The following ECE1 variants were observed in gnomAD, a reference collection of about 807,000 sequenced individuals.
The protein encoded by ECE1 is endothelin-converting enzyme 1.
A neutral mutation model predicts 98.6 loss-of-function variants in ECE1; 35 were observed. That is an observed-to-expected ratio of 0.35 (90% CI 0.27 to 0.47). The LOEUF is 0.47. ECE1 is among the 20% of genes least tolerant of loss of function. The pLI is 1.00. For synonymous variants in ECE1, 394 were observed against 407.1 expected, an observed-to-expected ratio of 0.97 and a Z score of 0.39; for missense variants, 814 against 1,025.3, an observed-to-expected ratio of 0.79 and a Z score of 2.81.
intron 1 of ECE1, among the ~76,000 whole-genome samples, chr1:21,341,494 G>A (rs1639397647): frequency 6.6e-6 from 1 of 152,222 alleles, no homozygotes; most frequent in Non-Finnish European, 1.5e-5. Context: ...CTGGGCTAAC[G>A]CCCAGAACAT....
intron 1 of ECE1, among the ~76,000 whole-genome samples, chr1:21,308,286 C>T (rs1317519575): frequency 2.0e-5 from 3 of 152,292 alleles, no homozygotes; most frequent in African/African-American, 7.2e-5. Context: ...CCCTCATACA[C>T]CCTGCTAGGG....
At chr1:21,291,892 G>A (rs2098266899), upstream of ECE1, among the ~76,000 whole-genome samples, 1 of 151,896 alleles carries the variant, frequency 6.6e-6, no homozygotes, top group East Asian at 1.9e-4. Context: ...AGCACTTTGG[G>A]AGGCTGAGGC....
intron 1 of ECE1, among the ~76,000 whole-genome samples, chr1:21,332,468 T>A (rs1451648303): frequency 6.7e-6 from 1 of 150,272 alleles, no homozygotes; most frequent in Non-Finnish European, 1.5e-5. Context: ...ATTTTACTTA[T>A]GCAGAAATAG....
At chr1:21,247,810 C>G (rs2098206029) in intron 8 of ECE1, among the ~76,000 whole-genome samples, 1 of 152,198 alleles carries the variant, frequency 6.6e-6, no homozygotes, top group African/African-American at 2.4e-5. Context: ...CTGGGCTCAT[C>G]TTCTAGCTCT....
At chr1:21,247,499 C>G in intron 8 of ECE1, 136 bp from the exon 9 acceptor site, 1 of 1,301,974 alleles carries the variant, frequency 7.7e-7, no homozygotes, top group South Asian at 1.2e-5. Context: ...GGCAGAGAGT[C>G]AAGCGGAGCC....
intron 1 of ECE1, among the ~76,000 whole-genome samples, chr1:21,321,913 C>A (rs1293320827): frequency 2.0e-5 from 3 of 152,052 alleles, no homozygotes; most frequent in Admixed American, 1.3e-4. Flanking sequence ...ACCGTGCCCA[C>A]CCTATTTTCA....
chr1:21,227,359 T>C, intron 15 of ECE1, 133 bp from the exon 16 acceptor site: 2 of 926,942 alleles, frequency 2.2e-6, no homozygotes, highest in South Asian at 1.3e-5. Flanking sequence ...TGGATAAGGG[T>C]GTGGTCATGG....
chr1:21,264,455 C>T (rs2098231356), intron 4 of ECE1, among the ~76,000 whole-genome samples: 1 of 152,110 alleles, frequency 6.6e-6, no homozygotes, highest in Non-Finnish European at 1.5e-5. Flanking sequence ...GCTGGGATTA[C>T]AGGCATCCTC....
Position 21,258,667 on chromosome 1 carries a change from A to G in ECE1, c.762+26T>C. On this transcript the variant is annotated intron_variant, in intron 6 of 18. Coordinates refer to ENST00000374893, the MANE Select transcript of ECE1 (RefSeq NM_001397.3). This position sits in a 1 kb window ranked among gnomAD's most constrained non-coding sequence, Gnocchi z 4.2. ...GGAAGAGGTCGTGCCCGCCCCCTCG[A>G]CCGCTGCAGGTTCAAGCTAGCTCAC... is the stretch of plus-strand genomic sequence containing the variant. 6.3e-7 allele frequency: 1 copy of G among 1,582,924 alleles called. No homozygotes were observed. Among genetic ancestry groups the G allele is most frequent in the Non-Finnish European group, 8.6e-7 (1 of 1,161,924 alleles).
chr1:21,240,096 G>T (rs1407573413), intron 10 of ECE1, among the ~76,000 whole-genome samples: 1 of 152,196 alleles, frequency 6.6e-6, no homozygotes, highest in Non-Finnish European at 1.5e-5. Flanking sequence ...GCTGTAACCT[G>T]GGAGGCGGAG....
At chr1:21,279,094 C>T in intron 3 of ECE1, 97 bp downstream of exon 3, 1 of 1,604,798 alleles carries the variant, frequency 6.2e-7, no homozygotes, top group East Asian at 2.2e-5. Flanking sequence ...GCCTCAGAGC[C>T]CTGCCCCGGC....
rs1639380161 is a variant in ECE1, at chr1:21,340,589, A to G, written c.3+4787T>C. On this transcript the variant is annotated intron_variant, in intron 1 of 18. Coordinates refer to the ECE1 transcript ENST00000415912. The surrounding 1 kb of genome is among the most constrained non-coding windows in gnomAD (Gnocchi z 4.6). ...TGCGGTGGCTCACACCTGTAATCCC[A>G]GCACTGTGGGAGGCTGAGGCGGGTG... 6.6e-6 allele frequency among the ~76,000 whole-genome samples: 1 copy of G among 152,238 alleles called. No individual in the cohort carries two copies. The highest frequency in any genetic ancestry group is 1.5e-5 in the Non-Finnish European group (1 of 68,046).
chr1:21,331,353 G>A (rs1284019938), intron 1 of ECE1, among the ~76,000 whole-genome samples: 2 of 152,048 alleles, frequency 1.3e-5, no homozygotes, highest in African/African-American at 2.4e-5. Context: ...GCAATGAGCC[G>A]AGATCATGCC....
intron 1 of ECE1, among the ~76,000 whole-genome samples, chr1:21,318,158 T>C (rs956816845): frequency 6.6e-6 from 1 of 151,800 alleles, no homozygotes; most frequent in African/African-American, 2.4e-5. Context: ...AGGGAAACGG[T>C]GGGGGAGAGC....
rs956564542 is a variant in ECE1 at position 21,345,478 on chromosome 1, C to G, written c.-100G>C. On this transcript the variant is annotated 5_prime_UTR_variant, in exon 1 of 19. Transcript: ENST00000415912. This position sits in a 1 kb window ranked among gnomAD's most constrained non-coding sequence, Gnocchi z 5.1. ...TCCCAGCCCAGCTGCTCGGACGGCT[C>G]GGCTGCCTGGCCCAGGCGGCGCGCT... 2.7e-6 allele frequency: 3 copies of G among 1,123,806 alleles called. No individual in the cohort carries two copies. Among genetic ancestry groups the G allele is most frequent in the African/African-American group, 1.6e-5 (1 of 61,510 alleles). The allele number at this position is 1,123,806 out of a possible 1,614,324, so 69.6% of individuals were successfully genotyped here.
chr1:21,328,368 C>T (rs997462214), intron 1 of ECE1, among the ~76,000 whole-genome samples: 6 of 152,218 alleles, frequency 3.9e-5, no homozygotes, highest in Non-Finnish European at 7.3e-5. Context: ...CATTCTAGAC[C>T]TTGTGCCTGG....
At chr1:21,284,686 T>C (rs1249235440) in intron 2 of ECE1, among the ~76,000 whole-genome samples, 1 of 152,188 alleles carries the variant, frequency 6.6e-6, no homozygotes, top group African/African-American at 2.4e-5. Flanking sequence ...GAACAAGTTC[T>C]GCAGGTGAGG....
At position 21,279,231 on chromosome 1, in the gene ECE1, C is replaced by A. The variant is rs1230484773; in HGVS notation, c.240G>T (p.Leu80=). The A allele has an allele frequency of 6.2e-7, 1 of 1,614,210 alleles. No homozygotes were observed. The highest frequency in any genetic ancestry group is 8.5e-7 in the Non-Finnish European group (1 of 1,180,046). ...VVLVVLLAAG[L]VACLAALGIQ... Reference sequence around the variant, plus strand: ...TGCCCAGTGCTGCCAAGCAGGCCACCAGTCCTGCCGCCAGAAGTACCACCA... The same window carrying A: ...TGCCCAGTGCTGCCAAGCAGGCCACAAGTCCTGCCGCCAGAAGTACCACCA... The change falls in exon 3 of 19, where the codon CTG becomes CTT. Residue 80 remains leucine (L), a synonymous_variant. Coordinates refer to ENST00000374893, the MANE Select transcript of ECE1 (RefSeq NM_001397.3).
intron 1 of ECE1, among the ~76,000 whole-genome samples, chr1:21,337,613 G>A (rs140237223): frequency 2.6e-4 from 40 of 152,234 alleles, no homozygotes; most frequent in African/African-American, 9.6e-4. Context: ...TGTCATCATC[G>A]TAACAGTCAT....
Sources: allele counts gnomAD v4.1 joint callset (sites outside exome capture counted in the v4.1 genomes callset), GRCh38; gene constraint gnomAD v4.1.1; non-coding constraint Gnocchi (gnomAD v3.1); transcripts MANE v1.5; gene names NCBI Gene and HGNC (gene_info 2026-07-23, HGNC 2026-07-21).